TLE3: variants seen among roughly 807,000 people sequenced by gnomAD.
TLE3 encodes the protein TLE family member 3, transcriptional corepressor, also known as transducin-like enhancer protein 3.
Under a neutral mutation model 93.0 loss-of-function variants are expected in TLE3, and 14 were observed. That is an observed-to-expected ratio of 0.15 (90% CI 0.10 to 0.24). The LOEUF (loss-of-function observed/expected upper bound fraction) is 0.24, where lower values mean the gene tolerates loss of function less well. Ranked by LOEUF, TLE3 falls within the 10% of genes least tolerant of loss-of-function variation. The pLI is 1.00. For synonymous variants in TLE3, 451 were observed against 425.0 expected (o/e 1.06, Z -0.75); for missense variants, 693 against 1,046.6 (o/e 0.66, Z 4.66).
At position 70,064,658 on chromosome 15, in the gene TLE3, C is replaced by T. The variant is rs564312942; in HGVS notation, c.578-188G>A. On this transcript the variant is annotated intron_variant, in intron 7 of 19. Transcript: ENST00000451782. ...CAGCCAAGGCAGGGCCATTAGGTGGCGTTTCTCGGTTTGGAAATTTGCCAC... is the reference window on the plus strand; with the variant it reads ...CAGCCAAGGCAGGGCCATTAGGTGGTGTTTCTCGGTTTGGAAATTTGCCAC... Among the ~76,000 whole-genome samples the T allele has an allele frequency of 5.3e-5, 8 of 152,246 alleles. No homozygotes were observed. The South Asian group carries it at 1.5e-3, about 28-fold the overall frequency.
chr15:70,086,864 C>CA (rs2058060785), intron 4 of TLE3, among the ~76,000 whole-genome samples: 1 of 150,898 alleles, frequency 6.6e-6, no homozygotes, highest in African/African-American at 2.4e-5. Context: ...TTCGCACCCC[C>CA]ACCCTGCCTT....
intron 9 of TLE3, 39 bp from the exon 10 acceptor site, chr15:70,059,499 C>T: frequency 6.3e-7 from 1 of 1,583,566 alleles, no homozygotes; most frequent in Non-Finnish European, 8.6e-7. Flanking sequence ...AGTAAGAGGC[C>T]ACACTTTCCC....
At chr15:70,077,576 G>A (rs970132146) in intron 4 of TLE3, among the ~76,000 whole-genome samples, 1 of 152,210 alleles carries the variant, frequency 6.6e-6, no homozygotes, top group Non-Finnish European at 1.5e-5. Flanking sequence ...TAAAGAGGAC[G>A]CCTCTGGTTT....
At chr15:70,065,229 C>T (rs1209385513) in intron 7 of TLE3, among the ~76,000 whole-genome samples, 2 of 152,244 alleles carry the variant, frequency 1.3e-5, no homozygotes, top group African/African-American at 4.8e-5. Context: ...CAGTAAATAC[C>T]GTATCTAAGG....
At chr15:70,095,989 G>T in intron 2 of TLE3, 172 bp downstream of exon 2, 1 of 806,260 alleles carries the variant, frequency 1.2e-6, no homozygotes, top group Non-Finnish European at 1.9e-6. Flanking sequence ...GCTGCTGCGG[G>T]CAGTAAAGGG....
chr15:70,088,083 C>T (rs2058116313), intron 4 of TLE3, among the ~76,000 whole-genome samples: 1 of 152,218 alleles, frequency 6.6e-6, no homozygotes, highest in African/African-American at 2.4e-5. Flanking sequence ...TGACCCCTCT[C>T]CTCCAGCCCT....
At chr15:70,084,921 T>C (rs1167302540) in intron 4 of TLE3, among the ~76,000 whole-genome samples, 1 of 152,222 alleles carries the variant, frequency 6.6e-6, no homozygotes, top group Non-Finnish European at 1.5e-5. Flanking sequence ...AAGCAGGCTA[T>C]ATGCATCCTT....
chr15:70,073,909 C>G (rs1424295387), intron 6 of TLE3, among the ~76,000 whole-genome samples: 5 of 152,224 alleles, frequency 3.3e-5, no homozygotes, highest in Non-Finnish European at 1.5e-5. Context: ...GTGGGCCTCA[C>G]AGAGCACTCT....
chr15:70,065,441 C>G (rs1820997389), intron 7 of TLE3, among the ~76,000 whole-genome samples: 1 of 152,220 alleles, frequency 6.6e-6, no homozygotes, highest in African/African-American at 2.4e-5. Context: ...ACTACCCCCA[C>G]TTACAGGCAG....
chr15:70,057,524 T>C lies in TLE3; in HGVS notation c.1186A>G (p.Met396Val). The change falls in exon 13 of 20, where the codon ATG becomes GTG. Residue 396 changes from methionine (M) to valine (V), a missense_variant. Met to Val is a conservative substitution (Grantham distance 21, BLOSUM62 1). This residue lies in a region of TLE3 where 405 missense variants were observed against 468.9 expected (regional missense o/e 0.86). Coordinates refer to ENST00000451782, the MANE Select transcript of TLE3 (RefSeq NM_001105192.3). ...GCTGCAGCAGCGGCGGCGGCGCTCA[T>C]CTGGGGTGGGATGTTGTGGAGGCCG... ...YAGLHNIPPQ[M>V]SAAAAAAAAA... 1 of 1,607,914 alleles carries C rather than the reference T, an allele frequency of 6.2e-7. No individual in the cohort carries two copies. Among genetic ancestry groups the C allele is most frequent in the East Asian group, 2.2e-5 (1 of 44,614 alleles).
chr15:70,076,510 TA>T (rs1373572753), intron 4 of TLE3, among the ~76,000 whole-genome samples: 1 of 152,118 alleles, frequency 6.6e-6, no homozygotes, highest in Admixed American at 6.5e-5. Flanking sequence ...AAACCCACTG[TA>T]AGAGTGAAAC....
intron 7 of TLE3, 42 bp from the exon 8 acceptor site, chr15:70,064,512 C>T: frequency 1.2e-6 from 2 of 1,613,388 alleles, no homozygotes; most frequent in Non-Finnish European, 1.7e-6. Context: ...GGTCAGGCAC[C>T]CCAAAACAAA....
At chr15:70,074,012 T>C (rs1312110436) in intron 6 of TLE3, among the ~76,000 whole-genome samples, 1 of 152,218 alleles carries the variant, frequency 6.6e-6, no homozygotes, top group South Asian at 2.1e-4. Context: ...CAAGCGTACA[T>C]GATGAATGCT....
chr15:70,077,367 A>G (rs1391195674), intron 4 of TLE3, among the ~76,000 whole-genome samples: 1 of 152,242 alleles, frequency 6.6e-6, no homozygotes, highest in Non-Finnish European at 1.5e-5. Context: ...CAAAGCTTTC[A>G]TCAGCACATA....
intron 6 of TLE3, 23 bp downstream of exon 6, chr15:70,074,510 G>A (rs1174969995): frequency 1.9e-6 from 3 of 1,607,260 alleles, no homozygotes; most frequent in East Asian, 2.2e-5. Context: ...CACGGTAAGA[G>A]GCAGATTGGG....
chr15:70,079,880 G>A (rs1317815734), intron 4 of TLE3, among the ~76,000 whole-genome samples: 3 of 152,082 alleles, frequency 2.0e-5, no homozygotes, highest in African/African-American at 7.2e-5. Context: ...GCCATTAAGT[G>A]ATTTCACTAA....
chr15:70,066,168 CG>C lies in TLE3; in HGVS notation c.422del (p.Pro141ArgfsTer19). 1.3e-6 allele frequency: 2 copies of C among 1,544,000 alleles called. No homozygotes were observed. Among genetic ancestry groups the C allele is most frequent in the Non-Finnish European group, 1.7e-6 (2 of 1,146,556 alleles). ...CTGACGGGTGGGGTGGCAACTGGACCGGGGGGCCGTGTGTGGCATGGGAGAG... is the reference window on the plus strand; with the variant it reads ...CTGACGGGTGGGGTGGCAACTGGACCGGGGGCCGTGTGTGGCATGGGAGAG... ...QHLSHATHGPPVQLPPHPSGL... is the reference protein window; with the variant it reads ...QHLSHATHGPXVQLPPHPSGL... On this transcript the variant is annotated frameshift_variant, in exon 7 of 20. Coordinates refer to ENST00000451782, the MANE Select transcript of TLE3 (RefSeq NM_001105192.3). LOFTEE classifies it high-confidence loss of function.
Position 70,065,166 on chromosome 15 carries a change from A to G in TLE3, c.578-696T>C, listed in dbSNP as rs373843207. Among the ~76,000 whole-genome samples, 13 of 152,388 alleles carry G rather than the reference A, an allele frequency of 8.5e-5. No homozygotes were observed. In the East Asian group the frequency reaches 2.5e-3, roughly 29 times the overall value. ...ACCACCCTGTGGCCTGGGCCAAGGCAGGATGGTGACATTCCAGGTCCCTAG... is the reference window on the plus strand; with the variant it reads ...ACCACCCTGTGGCCTGGGCCAAGGCGGGATGGTGACATTCCAGGTCCCTAG... On this transcript the variant is annotated intron_variant, in intron 7 of 19. Transcript: ENST00000451782.
At chr15:70,057,325 C>T in intron 13 of TLE3, 134 bp downstream of exon 13, 1 of 1,055,560 alleles carries the variant, frequency 9.5e-7, no homozygotes, top group Non-Finnish European at 1.4e-6. Flanking sequence ...GTTTCCGATA[C>T]ACCTTCCCAC....
Sources: allele counts gnomAD v4.1 joint callset (sites outside exome capture counted in the v4.1 genomes callset), GRCh38; gene constraint gnomAD v4.1.1; regional missense constraint gnomAD v4.1.1; transcripts MANE v1.5; gene names NCBI Gene and HGNC (gene_info 2026-07-23, HGNC 2026-07-21).